The following ZCWPW2 variants were observed in gnomAD, a reference collection of about 807,000 sequenced individuals.
ZCWPW2 encodes the protein zinc finger CW-type and PWWP domain containing 2.
A neutral mutation model predicts 46.6 loss-of-function variants in ZCWPW2; 45 were observed. The observed-to-expected ratio is 0.96, with a 90% CI of 0.76 to 1.24. The LOEUF is 1.24. Ranked by LOEUF, ZCWPW2 falls within the 50% of genes most tolerant of loss-of-function variation. The pLI is 0.00. For missense variants in ZCWPW2, 429 were observed against 403.9 expected (o/e 1.06, Z -0.53); for synonymous variants, 152 against 137.1 (o/e 1.11, Z -0.76).
At chr3:28,489,508 A>G (rs1433476956) in intron 5 of ZCWPW2, among the ~76,000 whole-genome samples, 1 of 152,006 alleles carries the variant, frequency 6.6e-6, no homozygotes, top group Non-Finnish European at 1.5e-5. Context: ...ATTTCCAACT[A>G]TGTTAAAAAG....
chr3:28,513,697 A>G (rs914630780), intron 6 of ZCWPW2, among the ~76,000 whole-genome samples: 4 of 151,890 alleles, frequency 2.6e-5, no homozygotes, highest in Non-Finnish European at 4.4e-5. Flanking sequence ...CTATATATTA[A>G]TAGCTTTGCA....
intron 1 of ZCWPW2, among the ~76,000 whole-genome samples, chr3:28,352,850 G>C (rs945100232): frequency 3.9e-5 from 6 of 152,088 alleles, no homozygotes; most frequent in Admixed American, 2.6e-4. Context: ...AGAAGGTCCT[G>C]TCCATTTTTT....
intron 2 of ZCWPW2, among the ~76,000 whole-genome samples, chr3:28,395,252 G>A (rs1695648011): frequency 6.6e-6 from 1 of 152,026 alleles, no homozygotes; most frequent in Admixed American, 6.6e-5. Context: ...ATCAAAAAAA[G>A]CAGAATGTGT....
chr3:28,463,804 G>T (rs1031771661), intron 4 of ZCWPW2, among the ~76,000 whole-genome samples: 20 of 151,862 alleles, frequency 1.3e-4, no homozygotes, highest in African/African-American at 4.6e-4. Flanking sequence ...TCATGCCACT[G>T]CAGTCCAGAC....
At chr3:28,500,325 G>A (rs573309291) in intron 6 of ZCWPW2, among the ~76,000 whole-genome samples, 1 of 152,110 alleles carries the variant, frequency 6.6e-6, no homozygotes, top group South Asian at 2.1e-4. Context: ...ATGCATCCAT[G>A]TAGAAACATA....
At chr3:28,360,806 AAG>A in intron 1 of ZCWPW2, among the ~76,000 whole-genome samples, 1 of 152,306 alleles carries the variant, frequency 6.6e-6, no homozygotes, top group East Asian at 1.9e-4. Context: ...GGACCTTGAA[AAG>A]AAAAAAAAGC....
chr3:28,474,126 A>T (rs970915294), intron 4 of ZCWPW2, among the ~76,000 whole-genome samples: 2 of 152,222 alleles, frequency 1.3e-5, no homozygotes, highest in African/African-American at 4.8e-5. Flanking sequence ...AAGATACCTT[A>T]TGTAACCCAT....
intron 4 of ZCWPW2, among the ~76,000 whole-genome samples, chr3:28,469,924 A>G (rs1481129611): frequency 6.6e-6 from 1 of 152,192 alleles, no homozygotes; most frequent in Non-Finnish European, 1.5e-5. Flanking sequence ...TTTGGAACAT[A>G]TAGACCTAAT....
At chr3:28,363,655 C>T (rs993255638) in intron 1 of ZCWPW2, among the ~76,000 whole-genome samples, 1 of 152,110 alleles carries the variant, frequency 6.6e-6, no homozygotes, top group Non-Finnish European at 1.5e-5. Flanking sequence ...CTCTCACTCT[C>T]CATACCACTA....
intron 4 of ZCWPW2, among the ~76,000 whole-genome samples, chr3:28,436,811 A>T (rs13087143): frequency 6.6e-6 from 1 of 152,062 alleles, no homozygotes; most frequent in Admixed American, 6.6e-5. Context: ...TTCTGCTGGC[A>T]ACCACAGAAG....
chr3:28,445,665 T>C (rs1286259292), intron 4 of ZCWPW2, among the ~76,000 whole-genome samples: 2 of 151,980 alleles, frequency 1.3e-5, no homozygotes, highest in Non-Finnish European at 1.5e-5. Context: ...TGAAAACAAA[T>C]AGCAAAATGA....
At chr3:28,451,069 C>T (rs1257192571) in intron 4 of ZCWPW2, among the ~76,000 whole-genome samples, 3 of 152,162 alleles carry the variant, frequency 2.0e-5, no homozygotes, top group Admixed American at 6.5e-5. Context: ...TTCCATGGCA[C>T]AGTGACTGGT....
At chr3:28,390,451 G>T in intron 1 of ZCWPW2, 47 bp from the exon 2 acceptor site, 5 of 972,884 alleles carry the variant, frequency 5.1e-6, no homozygotes, top group Non-Finnish European at 6.1e-6. Flanking sequence ...AAAAATGTGG[G>T]TATTATATAG....
At position 28,500,404 on chromosome 3, in the gene ZCWPW2, A is replaced by C. The variant is rs1000241306; in HGVS notation, c.657+8231A>C. Among the ~76,000 whole-genome samples the C allele has an allele frequency of 2.0e-5, 3 of 152,078 alleles. 1 individual carries two copies. The highest frequency in any genetic ancestry group is 4.4e-5 in the Non-Finnish European group (3 of 67,990). On this transcript the variant is annotated intron_variant, in intron 6 of 9. Coordinates refer to ENST00000383768, the MANE Select transcript of ZCWPW2 (RefSeq NM_001040432.4). Reference sequence around the variant, plus strand: ...ATTTTACATATTTCTAATTAACTCTATCCCAGATATTATTACCAACTGGAA... The same window carrying C: ...ATTTTACATATTTCTAATTAACTCTCTCCCAGATATTATTACCAACTGGAA...
In ZCWPW2 at chr3:28,399,189, A is replaced by G. The variant is rs560435004; in HGVS notation, c.-14+8572A>G. 1.8e-4 allele frequency among the ~76,000 whole-genome samples: 28 copies of G among 152,222 alleles called. No homozygotes were observed. The South Asian group carries it at 4.4e-3, about 24-fold the overall frequency. The stretch of plus-strand genomic sequence containing the variant: ...TTCCTCCACTTCACTGACAACCTGC[A>G]TGACAGTGTAGACAGCCGTAATCCC... On this transcript the variant is annotated intron_variant, in intron 2 of 9. Transcript: ENST00000383768.
chr3:28,524,881 TA>T lies in ZCWPW2; in HGVS notation c.*198del. On this transcript the variant is annotated 3_prime_UTR_variant, in exon 10 of 10. Transcript: ENST00000383768. The stretch of plus-strand genomic sequence containing the variant: ...AGTCAAATGGTATTTAAGTTAGTGT[TA>T]AAAATTTAGAATTAAAAAACCCTGA... The T allele has an allele frequency of 2.8e-6, 1 of 351,260 alleles. No homozygotes were observed. The highest frequency in any genetic ancestry group is 4.7e-6 in the Non-Finnish European group (1 of 214,164). The allele number at this position is 351,260 out of a possible 1,614,324, so 21.8% of individuals were successfully genotyped here. A position where few individuals can be genotyped will look rare whatever the true frequency, so the allele number is the denominator to read the frequency against.
rs149547534 is a variant in ZCWPW2 at position 28,421,692 on chromosome 3, C to T, written c.332+8292C>T. 2.5e-3 allele frequency among the ~76,000 whole-genome samples: 386 copies of T among 152,084 alleles called. 1 individual carries two copies. The highest frequency in any genetic ancestry group is 8.4e-3 in the African/African-American group (350 of 41,482). ...TTCCTCAAGTCACAGGATCCCTAGC[C>T]AGTCTATCGTTTTCTCTTCAACTTT... On this transcript the variant is annotated intron_variant, in intron 3 of 9. Coordinates refer to ENST00000383768, the MANE Select transcript of ZCWPW2 (RefSeq NM_001040432.4).
intron 3 of ZCWPW2, 97 bp downstream of exon 3, chr3:28,413,497 T>A: frequency 9.2e-7 from 1 of 1,081,882 alleles, no homozygotes; most frequent in Non-Finnish European, 1.3e-6. Flanking sequence ...TTCTTTTGTC[T>A]ACTTGTTTCT....
At chr3:28,496,911 A>C (rs1261637696) in intron 6 of ZCWPW2, among the ~76,000 whole-genome samples, 1 of 151,322 alleles carries the variant, frequency 6.6e-6, no homozygotes, top group African/African-American at 2.4e-5. Context: ...AAAGTAAGTA[A>C]CTGCTTCTAG....
Sources: gnomAD v4.1 joint callset for allele counts (sites outside exome capture counted in the v4.1 genomes callset) on GRCh38, gnomAD v4.1.1 for gene constraint, MANE v1.5 for transcripts, NCBI Gene and HGNC (gene_info 2026-07-23, HGNC 2026-07-21) for gene names.